The following PRICKLE2 variants were observed in gnomAD, a reference collection of about 807,000 sequenced individuals.
The protein encoded by PRICKLE2 is prickle planar cell polarity protein 2.
In PRICKLE2, 21 loss-of-function variants were observed where a neutral mutation model predicts 81.4. The observed-to-expected ratio is 0.26, with a 90% CI of 0.18 to 0.37. The LOEUF is 0.37. Ranked by LOEUF, PRICKLE2 falls within the 10% of genes least tolerant of loss-of-function variation. The pLI is 1.00. For missense variants in PRICKLE2, 940 were observed against 1,109.0 expected, an observed-to-expected ratio of 0.85 and a Z score of 2.16; for synonymous variants, 456 against 421.5, an observed-to-expected ratio of 1.08 and a Z score of -1.00.
chr3:64,169,307 C>T (rs562547952), intron 2 of PRICKLE2, among the ~76,000 whole-genome samples: 11 of 152,206 alleles, frequency 7.2e-5, no homozygotes, highest in African/African-American at 1.9e-4. Flanking sequence ...GATAGTAGGA[C>T]GGAAAGTTAT....
intron 1 of PRICKLE2, among the ~76,000 whole-genome samples, chr3:64,204,437 C>G (rs560051671): frequency 2.5e-4 from 38 of 152,276 alleles, no homozygotes; most frequent in Admixed American, 1.4e-3. Flanking sequence ...CTATTCAGAG[C>G]AGTTGATCAA....
chr3:64,112,903 G>A (rs2106955052), intron 7 of PRICKLE2, among the ~76,000 whole-genome samples: 1 of 152,240 alleles, frequency 6.6e-6, no homozygotes, highest in East Asian at 1.9e-4. Context: ...AGGAGGGACT[G>A]AGATGACTGG....
intron 1 of PRICKLE2, among the ~76,000 whole-genome samples, chr3:64,205,708 T>C (rs9827008): frequency 0.14 from 21,167 of 152,234 alleles, 1,517 homozygotes; most frequent in East Asian, 0.22. Flanking sequence ...ATTAAGCCTG[T>C]TTTTTACTTT....
At chr3:64,135,055 T>A (rs765616759) in intron 7 of PRICKLE2, among the ~76,000 whole-genome samples, 2 of 152,136 alleles carry the variant, frequency 1.3e-5, no homozygotes, top group Non-Finnish European at 2.9e-5. Context: ...AAGCTCAATG[T>A]CAGAATCAGA....
chr3:64,114,704 T>G (rs1400458011), intron 7 of PRICKLE2, among the ~76,000 whole-genome samples: 2 of 151,514 alleles, frequency 1.3e-5, no homozygotes. Context: ...AAACAAAACC[T>G]TTGAGAAATA....
upstream of PRICKLE2, among the ~76,000 whole-genome samples, chr3:64,226,190 AG>A (rs1055390562): frequency 4.2e-4 from 64 of 152,310 alleles, no homozygotes; most frequent in African/African-American, 1.4e-3. Context: ...AACTGGAGAA[AG>A]GACTTTTCTA....
At chr3:64,258,339 T>A (rs1025615938) in intron 2 of PRICKLE2, among the ~76,000 whole-genome samples, 6 of 152,198 alleles carry the variant, frequency 3.9e-5, no homozygotes, top group Non-Finnish European at 1.5e-5. Context: ...AACAATTGAA[T>A]GAATATATTT....
intron 2 of PRICKLE2, among the ~76,000 whole-genome samples, chr3:64,256,383 T>C (rs1048109344): frequency 2.6e-5 from 4 of 152,224 alleles, no homozygotes; most frequent in Admixed American, 6.5e-5. Context: ...TCATTGTATT[T>C]TAAATTTTGT....
rs550384726 is a variant in PRICKLE2 at position 64,147,300 on chromosome 3, C to A, written c.1190G>T (p.Arg397Leu). 1 of 1,613,566 alleles carries A rather than the reference C, an allele frequency of 6.2e-7. No individual in the cohort carries two copies. The highest frequency in any genetic ancestry group is 8.5e-7 in the Non-Finnish European group (1 of 1,179,588). Residue 397 changes from arginine to leucine, a missense_variant, in exon 7 of 8, where the codon CGG becomes CTG. By Grantham distance (102) the Arg-to-Leu change is moderately radical. This residue lies in a region of PRICKLE2 where 670 missense variants were observed against 717.2 expected (regional missense o/e 0.93). Coordinates refer to ENST00000638394, the MANE Select transcript of PRICKLE2 (RefSeq NM_198859.4). This position sits in a 1 kb window ranked among gnomAD's most constrained non-coding sequence, Gnocchi z 5.0. ...SLNRDPIWRS[R>L]EEPYHYGNKM... ...GTTCCCATAATGGTAGGGCTCTTCC[C>A]GGCTCCTCCAGATGGGGTCCCGGTT...
rs186282131 is a variant in PRICKLE2, at chr3:64,210,025, G to C, written c.-40-11058C>G. 2.2e-3 allele frequency among the ~76,000 whole-genome samples: 332 copies of C among 152,236 alleles called. 1 individual carries two copies. Among genetic ancestry groups the C allele is most frequent in the African/African-American group, 7.7e-3 (322 of 41,550 alleles). ...GCACTGTGTGAGTCATTCTCAGAAG[G>C]TGATATTGTGGCCTCCCTCCTCCTC... On this transcript the variant is annotated intron_variant, in intron 1 of 7. Coordinates refer to ENST00000638394, the MANE Select transcript of PRICKLE2 (RefSeq NM_198859.4).
chr3:64,117,180 A>G (rs1013205009), intron 7 of PRICKLE2, among the ~76,000 whole-genome samples: 2 of 152,214 alleles, frequency 1.3e-5, no homozygotes, highest in Non-Finnish European at 1.5e-5. Flanking sequence ...TCAATAAACT[A>G]GGTACTTAAT....
At chr3:64,124,460 G>A (rs2077076815) in intron 7 of PRICKLE2, among the ~76,000 whole-genome samples, 1 of 152,190 alleles carries the variant, frequency 6.6e-6, no homozygotes, top group African/African-American at 2.4e-5. Context: ...GTCTTCAACA[G>A]AGAAGATACC....
intron 2 of PRICKLE2, among the ~76,000 whole-genome samples, chr3:64,183,202 A>G (rs1183741397): frequency 2.0e-5 from 3 of 152,204 alleles, no homozygotes; most frequent in Admixed American, 2.0e-4. Flanking sequence ...AACAAATACA[A>G]TTAGGCAAGA....
chr3:64,250,239 C>T (rs2079426017), intron 2 of PRICKLE2, among the ~76,000 whole-genome samples: 1 of 152,156 alleles, frequency 6.6e-6, no homozygotes, highest in African/African-American at 2.4e-5. Context: ...TGACATTTTC[C>T]ATGGATAATT....
At chr3:64,223,804 C>G (rs1347356215) in intron 1 of PRICKLE2, among the ~76,000 whole-genome samples, 1 of 152,186 alleles carries the variant, frequency 6.6e-6, no homozygotes, top group Non-Finnish European at 1.5e-5. Flanking sequence ...CATCAGCAGG[C>G]AGTAAGCCTT....
At chr3:64,161,411 G>C (rs2077731861) in intron 3 of PRICKLE2, among the ~76,000 whole-genome samples, 1 of 152,144 alleles carries the variant, frequency 6.6e-6, no homozygotes, top group Non-Finnish European at 1.5e-5. Flanking sequence ...GGAAACCTTG[G>C]AACTAGGACT....
intron 7 of PRICKLE2, among the ~76,000 whole-genome samples, chr3:64,143,950 AT>A (rs34605013): frequency 0.013 from 1,933 of 143,270 alleles, 43 homozygotes; most frequent in Admixed American, 0.048. Context: ...CCAAGGCCTC[AT>A]TTTTTTTTTT....
intron 1 of PRICKLE2, among the ~76,000 whole-genome samples, chr3:64,203,592 C>T (rs1451943030): frequency 6.6e-6 from 1 of 151,948 alleles, no homozygotes; most frequent in Non-Finnish European, 1.5e-5. Context: ...AACTGAGGAT[C>T]CAGGAGAAGG....
intron 7 of PRICKLE2, among the ~76,000 whole-genome samples, chr3:64,137,565 A>T (rs576682094): frequency 1.1e-4 from 17 of 152,298 alleles, no homozygotes; most frequent in Middle Eastern, 6.8e-3. Context: ...ACACTGGAAA[A>T]GGTTCTCCGG....
Sources: gnomAD v4.1 joint callset for allele counts (sites outside exome capture counted in the v4.1 genomes callset) on GRCh38, gnomAD v4.1.1 for gene constraint, gnomAD v4.1.1 regional missense constraint, Gnocchi (gnomAD v3.1) non-coding constraint, MANE v1.5 for transcripts, NCBI Gene and HGNC (gene_info 2026-07-23, HGNC 2026-07-21) for gene names.